Variants in LMBR1 observed in about 807,000 individuals in gnomAD.
LMBR1 encodes limb region 1 protein homolog.
A neutral mutation model predicts 73.9 loss-of-function variants in LMBR1; 52 were observed. That is an observed-to-expected ratio of 0.70 (90% CI 0.56 to 0.89). The LOEUF (loss-of-function observed/expected upper bound fraction) is 0.89, where lower values mean the gene tolerates loss of function less well. Among genes scored for constraint, LMBR1 ranks in the 40% least tolerant of loss-of-function variants. The pLI is 0.00. For missense variants in LMBR1, 539 were observed against 579.8 expected (o/e 0.93, Z 0.72); for synonymous variants, 215 against 209.4 (o/e 1.03, Z -0.23).
chr7:156,871,383 A>C (rs1799267635), intron 1 of LMBR1, among the ~76,000 whole-genome samples: 1 of 152,244 alleles, frequency 6.6e-6, no homozygotes, highest in Non-Finnish European at 1.5e-5. Flanking sequence ...AATTAGCACC[A>C]ATCTGTCTCA....
intron 15 of LMBR1, 50 bp downstream of exon 15, chr7:156,724,062 A>C: frequency 7.6e-7 from 1 of 1,309,256 alleles, no homozygotes; most frequent in Non-Finnish European, 1.1e-6. Flanking sequence ...CAGTAAAGAC[A>C]GTTTTTAAAA....
chr7:156,881,358 T>C (rs10281532), intron 1 of LMBR1, among the ~76,000 whole-genome samples: 69,791 of 152,072 alleles, frequency 0.46, 16,226 homozygotes, highest in East Asian at 0.61. Context: ...AAGACTTAAA[T>C]GTAAAACATG....
rs114740013 is a variant in LMBR1 at position 156,694,279 on chromosome 7, C to T, written c.1226-6088G>A. ...TTCCAGGTAGTTGGGACTATAGGCG[C>T]ATGCCACCATGCCAGGCTAATTTTT... On this transcript the variant is annotated intron_variant, in intron 15 of 16. Coordinates refer to ENST00000353442, the MANE Select transcript of LMBR1 (RefSeq NM_022458.4). 9.9e-4 allele frequency among the ~76,000 whole-genome samples: 150 copies of T among 152,192 alleles called. 1 individual carries two copies. The highest frequency in any genetic ancestry group is 3.4e-3 in the Middle Eastern group (1 of 294).
chr7:156,735,129 G>GTC (rs1314722601), intron 9 of LMBR1, among the ~76,000 whole-genome samples: 2 of 152,082 alleles, frequency 1.3e-5, no homozygotes, highest in African/African-American at 4.8e-5. Context: ...AATTATTTCT[G>GTC]TAAGACAGAT....
intron 4 of LMBR1, among the ~76,000 whole-genome samples, chr7:156,671,973 G>T (rs1231995624): frequency 6.6e-6 from 1 of 152,174 alleles, no homozygotes; most frequent in Non-Finnish European, 1.5e-5. Context: ...ATCAAAACTT[G>T]TGGAATGGAA....
At chr7:156,828,396 A>T (rs920540411) in intron 3 of LMBR1, among the ~76,000 whole-genome samples, 4 of 152,232 alleles carry the variant, frequency 2.6e-5, no homozygotes, top group Admixed American at 6.5e-5. Flanking sequence ...ACCTTCTGAA[A>T]TGGAGCATTA....
intron 3 of LMBR1, among the ~76,000 whole-genome samples, chr7:156,833,082 T>C (rs1348350070): frequency 6.6e-6 from 1 of 152,212 alleles, no homozygotes; most frequent in Non-Finnish European, 1.5e-5. Context: ...AAATGAAGCA[T>C]CAGATGAGCG....
chr7:156,794,152 T>G (rs1464679269), intron 5 of LMBR1, among the ~76,000 whole-genome samples: 1 of 152,232 alleles, frequency 6.6e-6, no homozygotes, highest in African/African-American at 2.4e-5. Context: ...CATAGTTGCC[T>G]GTATCCTACA....
intron 15 of LMBR1, among the ~76,000 whole-genome samples, chr7:156,693,046 GAC>G (rs1476267473): frequency 1.3e-5 from 2 of 151,060 alleles, no homozygotes; most frequent in African/African-American, 4.9e-5. Context: ...TAAATTTAAA[GAC>G]ACAGCAACAG....
At chr7:156,860,216 C>T (rs1242608602) in intron 1 of LMBR1, among the ~76,000 whole-genome samples, 1 of 152,200 alleles carries the variant, frequency 6.6e-6, no homozygotes. Context: ...TGAACTTACA[C>T]TTCCACGTGG....
rs757492779 is a variant in LMBR1 at position 156,892,934 on chromosome 7, C to T, written c.60G>A (p.Glu20=). The T allele has an allele frequency of 4.6e-6, 7 of 1,536,830 alleles. No homozygotes were observed. The highest frequency in any genetic ancestry group is 2.6e-6 in the Non-Finnish European group (3 of 1,149,560). The change falls in exon 1 of 17, where the codon GAG becomes GAA. Residue 20 remains glutamate (E), a synonymous_variant. Coordinates refer to ENST00000353442, the MANE Select transcript of LMBR1 (RefSeq NM_022458.4). ...REQHFHSQVR[E]STICFLLFAI... ...TGCCTCGGTCCCCACGCACCGTGGA[C>T]TCCCGCACTTGGCTGTGGAAGTGCT... is the stretch of plus-strand genomic sequence containing the variant.
intron 10 of LMBR1, among the ~76,000 whole-genome samples, chr7:156,733,246 T>C (rs1817204125): frequency 6.6e-6 from 1 of 152,228 alleles, no homozygotes; most frequent in East Asian, 1.9e-4. Context: ...ACCTATTTTC[T>C]AATCAAAAGT....
intron 9 of LMBR1, among the ~76,000 whole-genome samples, chr7:156,753,272 G>T (rs771603134): frequency 6.6e-6 from 1 of 151,948 alleles, no homozygotes; most frequent in Admixed American, 6.6e-5. Flanking sequence ...GAAACGAGGA[G>T]CAAAAATCCT....
At chr7:156,779,894 T>C (rs992816512) in intron 5 of LMBR1, among the ~76,000 whole-genome samples, 5 of 152,186 alleles carry the variant, frequency 3.3e-5, no homozygotes, top group Non-Finnish European at 4.4e-5. Context: ...TTGCTCAGCA[T>C]GGCATCAAGA....
chr7:156,701,345 C>A (rs1809633229), intron 15 of LMBR1, among the ~76,000 whole-genome samples: 1 of 152,124 alleles, frequency 6.6e-6, no homozygotes, highest in African/African-American at 2.4e-5. Flanking sequence ...TATATACATA[C>A]AAGAGAGTAC....
chr7:156,873,869 G>A (rs1182296550), intron 1 of LMBR1, among the ~76,000 whole-genome samples: 1 of 152,266 alleles, frequency 6.6e-6, no homozygotes, highest in African/African-American at 2.4e-5. Flanking sequence ...GCTGACTGGT[G>A]TATTTACAAT....
intron 15 of LMBR1, among the ~76,000 whole-genome samples, chr7:156,709,189 T>C (rs920339514): frequency 5.3e-5 from 8 of 152,202 alleles, no homozygotes; most frequent in African/African-American, 1.9e-4. Flanking sequence ...CAAGCTTAGA[T>C]ACCTCTACTA....
At chr7:156,777,188 G>C (rs912010734) in intron 5 of LMBR1, among the ~76,000 whole-genome samples, 4 of 152,182 alleles carry the variant, frequency 2.6e-5, no homozygotes, top group African/African-American at 9.7e-5. Flanking sequence ...GCCCACCTCA[G>C]CCTCCCAAAG....
intron 15 of LMBR1, among the ~76,000 whole-genome samples, chr7:156,700,936 T>C (rs911910688): frequency 6.6e-6 from 1 of 152,136 alleles, no homozygotes; most frequent in African/African-American, 2.4e-5. Context: ...CTCACAATCA[T>C]AGTGGAAGGT....
Sources: gnomAD v4.1 joint callset for allele counts (sites outside exome capture counted in the v4.1 genomes callset) on GRCh38, gnomAD v4.1.1 for gene constraint, MANE v1.5 for transcripts, NCBI Gene and HGNC (gene_info 2026-07-23, HGNC 2026-07-21) for gene names.